PLAGL1: variants seen among roughly 807,000 people sequenced by gnomAD.
PLAGL1 encodes the protein PLAG1 like zinc finger 1.
In PLAGL1, 1 loss-of-function variant was observed where a neutral mutation model predicts 4.6. That is an observed-to-expected ratio of 0.22 (90% CI 0.08 to 1.03). The LOEUF (loss-of-function observed/expected upper bound fraction) is 1.03, where lower values mean the gene tolerates loss of function less well. Among genes scored for constraint, PLAGL1 ranks in the 50% least tolerant of loss-of-function variants. The pLI is 0.58. For synonymous variants in PLAGL1, 240 were observed against 237.8 expected, an observed-to-expected ratio of 1.01 and a Z score of -0.08; for missense variants, 464 against 570.4, an observed-to-expected ratio of 0.81 and a Z score of 1.90.
In PLAGL1 at chr6:143,970,324, T is replaced by C. The variant is rs1348644057; in HGVS notation, c.-543-1346A>G. On this transcript the variant is annotated intron_variant, in intron 2 of 7. Coordinates refer to ENST00000674357, the MANE Select transcript of PLAGL1 (RefSeq NM_001317162.2). The surrounding 1 kb of genome is among the most constrained non-coding windows in gnomAD (Gnocchi z 5.8). Reference sequence around the variant, plus strand: ...TCTCACTAAAGAAGGCAATATGTAATGTTGCAAAGTAAACATTTAAACTAC... The same window carrying C: ...TCTCACTAAAGAAGGCAATATGTAACGTTGCAAAGTAAACATTTAAACTAC... Among the ~76,000 whole-genome samples, 1 of 152,230 alleles carries C rather than the reference T, an allele frequency of 6.6e-6. No individual in the cohort carries two copies. The highest frequency in any genetic ancestry group is 2.4e-5 in the African/African-American group (1 of 41,472).
Position 144,006,669 on chromosome 6 carries a change from G to A in PLAGL1, c.-584+1421C>T, listed in dbSNP as rs1372763937. The A allele has an allele frequency of 2.6e-5, 4 of 152,178 alleles. No individual in the cohort carries two copies. Among genetic ancestry groups the A allele is most frequent in the African/African-American group, 4.8e-5 (2 of 41,514 alleles). The allele number at this position is 152,178 out of a possible 1,614,324, so 9.4% of individuals were successfully genotyped here. ...GTACAGTGTGCCCTTTTTATGAGTG[G>A]TGTATAATTTATCTTTCTCCTTCAG... On this transcript the variant is annotated intron_variant, in intron 1 of 7. Coordinates refer to ENST00000674357, the MANE Select transcript of PLAGL1 (RefSeq NM_001317162.2). The surrounding 1 kb of genome is among the most constrained non-coding windows in gnomAD (Gnocchi z 4.3).
At chr6:144,011,376 A>C (rs1417209291), upstream of PLAGL1, among the ~76,000 whole-genome samples, 1 of 152,214 alleles carries the variant, frequency 6.6e-6, no homozygotes, top group Non-Finnish European at 1.5e-5. This position sits in a 1 kb window ranked among gnomAD's most constrained non-coding sequence, Gnocchi z 4.3. Context: ...TCATTAGAGA[A>C]ATGCTTCAAA....
intron 1 of PLAGL1, among the ~76,000 whole-genome samples, chr6:144,024,421 G>T (rs1166029683): frequency 1.3e-5 from 2 of 152,132 alleles, no homozygotes; most frequent in Non-Finnish European, 2.9e-5. Flanking sequence ...ATTGAGTCAT[G>T]GGGGCAGTTT....
chr6:144,046,549 T>G (rs1399746933), intron 1 of PLAGL1, among the ~76,000 whole-genome samples: 1 of 152,144 alleles, frequency 6.6e-6, no homozygotes, highest in Non-Finnish European at 1.5e-5. Flanking sequence ...TGGCTGATCC[T>G]TCCTCTGGAA....
Position 143,941,643 on chromosome 6 carries a change from AG to A in PLAGL1, c.1172del (p.Pro391LeufsTer25). 6.2e-7 allele frequency: 1 copy of A among 1,614,106 alleles called. No homozygotes were observed. The highest frequency in any genetic ancestry group is 8.5e-7 in the Non-Finnish European group (1 of 1,179,972). On this transcript the variant is annotated frameshift_variant, in exon 8 of 8. Coordinates refer to ENST00000674357, the MANE Select transcript of PLAGL1 (RefSeq NM_001317162.2). LOFTEE classifies it low-confidence loss of function (END_TRUNC). The surrounding 1 kb of genome is among the most constrained non-coding windows in gnomAD (Gnocchi z 6.0). ...SPLLGFWQLP[P>X]PATQNTFGNS... is the part of the protein sequence containing the mutation. ...TCCCAAAGGTATTTTGGGTAGCAGG[AG>A]GGGGCAGCTGCCAGAAGCCCAACAG... is the stretch of plus-strand genomic sequence containing the variant.
chr6:143,964,277 A>G lies in PLAGL1; in HGVS notation c.-399+510T>C, dbSNP rs1783981920. On this transcript the variant is annotated intron_variant, in intron 5 of 7. Coordinates refer to ENST00000674357, the MANE Select transcript of PLAGL1 (RefSeq NM_001317162.2). The surrounding 1 kb of genome is among the most constrained non-coding windows in gnomAD (Gnocchi z 4.3). ...GGCGGCCCTGGGGCAGACAGCTACA[A>G]GGATTCAATAAATCACTACTTTGAT... Among the ~76,000 whole-genome samples the G allele has an allele frequency of 6.6e-6, 1 of 152,156 alleles. No homozygotes were observed. Among genetic ancestry groups the G allele is most frequent in the South Asian group, 2.1e-4 (1 of 4,820 alleles).
At chr6:144,019,844 G>T (rs139521944) in intron 1 of PLAGL1, among the ~76,000 whole-genome samples, 63 of 151,136 alleles carry the variant, frequency 4.2e-4, no homozygotes, top group South Asian at 2.1e-3. Flanking sequence ...TGATTATGAT[G>T]TTCCTTTATT....
In PLAGL1 at chr6:143,990,293, G is replaced by T. The variant is rs1412000063; in HGVS notation, c.-583-5119C>A. Among the ~76,000 whole-genome samples, 1 of 152,026 alleles carries T rather than the reference G, an allele frequency of 6.6e-6. No homozygotes were observed. The highest frequency in any genetic ancestry group is 1.5e-5 in the Non-Finnish European group (1 of 67,986). On this transcript the variant is annotated intron_variant, in intron 1 of 7. Transcript: ENST00000674357. This position sits in a 1 kb window ranked among gnomAD's most constrained non-coding sequence, Gnocchi z 5.4. Reference sequence around the variant, plus strand: ...GTGCCACCATGCCCAGCTAATTTTTGTATTTTTATTAGAGACGGGGTTTCA... The same window carrying T: ...GTGCCACCATGCCCAGCTAATTTTTTTATTTTTATTAGAGACGGGGTTTCA...
chr6:143,948,764 A>AAACAACAACAAC lies in PLAGL1; in HGVS notation c.-324-316_-324-305dup, dbSNP rs3060705. 0.017 allele frequency among the ~76,000 whole-genome samples: 1,789 copies of AAACAACAACAAC among 107,226 alleles called. 33 individuals are homozygous for AAACAACAACAAC. Among genetic ancestry groups the AAACAACAACAAC allele is most frequent in the African/African-American group, 0.07 (1,723 of 24,654 alleles). 70.3% of individuals were successfully genotyped at this position (107,226 alleles called of 152,430 possible). On this transcript the variant is annotated intron_variant, in intron 6 of 7. Coordinates refer to ENST00000674357, the MANE Select transcript of PLAGL1 (RefSeq NM_001317162.2). The surrounding 1 kb of genome is among the most constrained non-coding windows in gnomAD (Gnocchi z 6.0). Reference sequence around the variant, plus strand: ...GTGAAGCTCCATTGACCAAAGAGAAAAACAACAACAACAACAACAACAACA... The same window carrying AAACAACAACAAC: ...GTGAAGCTCCATTGACCAAAGAGAAAAACAACAACAACAACAACAACAACAACAACAACAACA...
rs1783340534 is a variant in PLAGL1, at chr6:143,961,346, AACTAGT to A, written c.-398-810_-398-805del. The A allele has an allele frequency of 6.6e-6, 1 of 152,242 alleles. No homozygotes were observed. The highest frequency in any genetic ancestry group is 1.5e-5 in the Non-Finnish European group (1 of 68,036). 9.4% of individuals were successfully genotyped at this position (152,242 alleles called of 1,614,324 possible). A position where few individuals can be genotyped will look rare whatever the true frequency, so the allele number is the denominator to read the frequency against. On this transcript the variant is annotated intron_variant, in intron 5 of 7. Coordinates refer to ENST00000674357, the MANE Select transcript of PLAGL1 (RefSeq NM_001317162.2). This position sits in a 1 kb window ranked among gnomAD's most constrained non-coding sequence, Gnocchi z 6.5. ...AGGGAAAGCTTTTCAGGATTTTCTT[AACTAGT>A]ACAAAGGCAAATCTGCTATGGAACA...
intron 1 of PLAGL1, among the ~76,000 whole-genome samples, chr6:144,018,681 G>C (rs2128695866): frequency 6.6e-6 from 1 of 152,152 alleles, no homozygotes; most frequent in South Asian, 2.1e-4. Flanking sequence ...TTTTAAAAGT[G>C]ATGTTCACTC....
intron 1 of PLAGL1, among the ~76,000 whole-genome samples, chr6:143,998,580 A>G (rs1344448984): frequency 6.6e-6 from 1 of 152,226 alleles, no homozygotes; most frequent in East Asian, 1.9e-4. Context: ...GCAAAGTATC[A>G]TGTCAGCCAC....
chr6:144,027,247 G>T lies in PLAGL1; in HGVS notation c.-151+37221C>A, dbSNP rs1359430237. Among the ~76,000 whole-genome samples the T allele has an allele frequency of 5.7e-5, 7 of 123,442 alleles. No individual in the cohort carries two copies. The highest frequency in any genetic ancestry group is 2.0e-4 in the African/African-American group (7 of 34,690). The allele number at this position is 123,442 out of a possible 152,430, so 81.0% of individuals were successfully genotyped here. On this transcript the variant is annotated intron_variant, in intron 1 of 3. Coordinates refer to the PLAGL1 transcript ENST00000437412. The surrounding 1 kb of genome is among the most constrained non-coding windows in gnomAD (Gnocchi z 5.8). ...TCAAAGAACGAACGAAAGAAAGAAA[G>T]AAAGAAAGAAAGAAAGAAAGAAAGA...
At chr6:144,043,714 C>T (rs537540969) in intron 1 of PLAGL1, among the ~76,000 whole-genome samples, 1 of 152,244 alleles carries the variant, frequency 6.6e-6, no homozygotes, top group South Asian at 2.1e-4. Flanking sequence ...GGAGGATTCC[C>T]TCTTTTTCTA....
At position 143,997,173 on chromosome 6, in the gene PLAGL1, T is replaced by A. The variant is rs1453195655; in HGVS notation, c.-584+10917A>T. On this transcript the variant is annotated intron_variant, in intron 1 of 7. Transcript: ENST00000674357. The surrounding 1 kb of genome is among the most constrained non-coding windows in gnomAD (Gnocchi z 4.6). ...GAAAAAGACTAATATCAAGTGCTGATGAAAATGTGCACTCCAACTACAACT... is the reference window on the plus strand; with the variant it reads ...GAAAAAGACTAATATCAAGTGCTGAAGAAAATGTGCACTCCAACTACAACT... 6.6e-6 allele frequency among the ~76,000 whole-genome samples: 1 copy of A among 152,190 alleles called. No individual in the cohort carries two copies. The highest frequency in any genetic ancestry group is 1.5e-5 in the Non-Finnish European group (1 of 68,038).
Position 144,036,587 on chromosome 6 carries a change from C to T in PLAGL1, c.-151+27881G>A, listed in dbSNP as rs1213921141. Reference sequence around the variant, plus strand: ...GGTGCAAGTGACATGCTGGAAAGAGCGTGGTAGACATCTAGGGGCCAACTC... The same window carrying T: ...GGTGCAAGTGACATGCTGGAAAGAGTGTGGTAGACATCTAGGGGCCAACTC... On this transcript the variant is annotated intron_variant, in intron 1 of 3. Coordinates refer to the PLAGL1 transcript ENST00000437412. This position sits in a 1 kb window ranked among gnomAD's most constrained non-coding sequence, Gnocchi z 5.1. The T allele has an allele frequency of 1.1e-5, 2 of 180,346 alleles. No individual in the cohort carries two copies. The highest frequency in any genetic ancestry group is 1.0e-4 in the South Asian group (1 of 10,032). The allele number at this position is 180,346 out of a possible 1,614,324, so 11.2% of individuals were successfully genotyped here. A position where few individuals can be genotyped will look rare whatever the true frequency, so the allele number is the denominator to read the frequency against.
In PLAGL1 at chr6:144,013,596, C is replaced by A. The variant is rs1795354573; in HGVS notation, c.-150-44618G>T. Among the ~76,000 whole-genome samples the A allele has an allele frequency of 6.6e-6, 1 of 152,234 alleles. No homozygotes were observed. Among genetic ancestry groups the A allele is most frequent in the African/African-American group, 2.4e-5 (1 of 41,464 alleles). Reference sequence around the variant, plus strand: ...TCAAGATATCAGCAAAGGCCGCAGGCGCCATCTAGTGGCTCTAGTGGAGAT... The same window carrying A: ...TCAAGATATCAGCAAAGGCCGCAGGAGCCATCTAGTGGCTCTAGTGGAGAT... On this transcript the variant is annotated intron_variant, in intron 1 of 3. Transcript: ENST00000437412. The surrounding 1 kb of genome is among the most constrained non-coding windows in gnomAD (Gnocchi z 4.4).
At chr6:144,010,306 T>C (rs2128687249), upstream of PLAGL1, among the ~76,000 whole-genome samples, 1 of 152,268 alleles carries the variant, frequency 6.6e-6, no homozygotes, top group East Asian at 1.9e-4. The surrounding 1 kb of genome is among the most constrained non-coding windows in gnomAD (Gnocchi z 4.1). Flanking sequence ...TATACCCCAA[T>C]AGTAGACAAA....
In PLAGL1 at chr6:143,959,446, A is replaced by G. The variant is rs1282204290; in HGVS notation, c.-325+1023T>C. On this transcript the variant is annotated intron_variant, in intron 6 of 7. Coordinates refer to ENST00000674357, the MANE Select transcript of PLAGL1 (RefSeq NM_001317162.2). This position sits in a 1 kb window ranked among gnomAD's most constrained non-coding sequence, Gnocchi z 5.3. ...GCTCCCCCACCCCACCCCAACTCCC[A>G]GCCCTAACTAGAACTGCTAGGTCCT... is the stretch of plus-strand genomic sequence containing the variant. 6.6e-6 allele frequency among the ~76,000 whole-genome samples: 1 copy of G among 151,470 alleles called. No homozygotes were observed. The highest frequency in any genetic ancestry group is 2.4e-5 in the African/African-American group (1 of 41,350).
Sources: allele counts gnomAD v4.1 joint callset (sites outside exome capture counted in the v4.1 genomes callset), GRCh38; gene constraint gnomAD v4.1.1; non-coding constraint Gnocchi (gnomAD v3.1); transcripts MANE v1.5; gene names NCBI Gene and HGNC (gene_info 2026-07-23, HGNC 2026-07-21).